The following PTPRZ1 variants were observed in gnomAD, a reference collection of about 807,000 sequenced individuals.
PTPRZ1 encodes protein tyrosine phosphatase receptor type Z1, also known as receptor-type tyrosine-protein phosphatase zeta.
Under a neutral mutation model 214.1 loss-of-function variants are expected in PTPRZ1, and 82 were observed. That is an observed-to-expected ratio of 0.38 (90% CI 0.32 to 0.46). The LOEUF (loss-of-function observed/expected upper bound fraction) is 0.46. PTPRZ1 is among the 20% of genes least tolerant of loss of function. PTPRZ1 has a pLI of 1.00. For missense variants in PTPRZ1, 2,603 were observed against 2,748.7 expected (o/e 0.95, Z 1.19); for synonymous variants, 945 against 987.9 (o/e 0.96, Z 0.81).
chr7:121,881,298 G>A (rs951526968), intron 1 of PTPRZ1, among the ~76,000 whole-genome samples: 3 of 152,186 alleles, frequency 2.0e-5, no homozygotes, highest in African/African-American at 7.2e-5. Flanking sequence ...ATATCTGTGA[G>A]AAATAAATGT....
intron 1 of PTPRZ1, among the ~76,000 whole-genome samples, chr7:121,921,485 C>T (rs2116345274): frequency 6.6e-6 from 1 of 152,252 alleles, no homozygotes. Flanking sequence ...AACTTTCCAT[C>T]TCCTTGAATG....
intron 1 of PTPRZ1, among the ~76,000 whole-genome samples, chr7:121,919,734 T>C (rs530302756): frequency 8.5e-5 from 13 of 152,250 alleles, no homozygotes; most frequent in Admixed American, 2.6e-4. Context: ...ATTGTGATGT[T>C]TCCTTTAACA....
intron 13 of PTPRZ1, among the ~76,000 whole-genome samples, chr7:122,026,801 TTTTG>T (rs758183343): frequency 1.3e-5 from 2 of 152,214 alleles, no homozygotes; most frequent in East Asian, 1.9e-4. Flanking sequence ...GCTTTAAGTT[TTTTG>T]TTTATTTGCT....
intron 29 of PTPRZ1, 26 bp from the exon 30 acceptor site, chr7:122,061,054 A>T: frequency 6.4e-7 from 1 of 1,558,274 alleles, no homozygotes; most frequent in Non-Finnish European, 8.7e-7. Flanking sequence ...CTTCGCATTT[A>T]TTACCTCCCA....
At chr7:121,950,014 C>T (rs141175903) in intron 2 of PTPRZ1, among the ~76,000 whole-genome samples, 5,627 of 152,102 alleles carry the variant, frequency 0.037, 118 homozygotes, top group East Asian at 0.085. Context: ...AAGACATACC[C>T]GCGACTAAGC....
intron 27 of PTPRZ1, among the ~76,000 whole-genome samples, 184 bp from the exon 28 acceptor site, chr7:122,058,616 C>T (rs1183141351): frequency 1.3e-5 from 2 of 152,050 alleles, no homozygotes; most frequent in African/African-American, 4.8e-5. Flanking sequence ...TAAATCTATG[C>T]ATGTTAAATG....
At chr7:121,922,450 G>A (rs971380021) in intron 1 of PTPRZ1, among the ~76,000 whole-genome samples, 2 of 152,024 alleles carry the variant, frequency 1.3e-5, no homozygotes, top group African/African-American at 2.4e-5. Context: ...CCAGCTACTC[G>A]GGAGGCTGAG....
chr7:122,042,953 C>G (rs376308129), intron 22 of PTPRZ1, among the ~76,000 whole-genome samples: 1 of 152,172 alleles, frequency 6.6e-6, no homozygotes, highest in Non-Finnish European at 1.5e-5. Context: ...CTTTCATCTC[C>G]TGGTAGCCCC....
chr7:121,972,439 A>G, intron 3 of PTPRZ1, 102 bp from the exon 4 acceptor site: 1 of 1,201,954 alleles, frequency 8.3e-7, no homozygotes, highest in Non-Finnish European at 1.1e-6. Context: ...AATTTATCAA[A>G]TAAATGATTT....
chr7:121,970,713 G>A (rs1330374210), intron 3 of PTPRZ1, among the ~76,000 whole-genome samples: 1 of 152,122 alleles, frequency 6.6e-6, no homozygotes, highest in Non-Finnish European at 1.5e-5. Context: ...CCCTTTGTCA[G>A]ATGAGTAGAT....
rs558142818 is a variant in PTPRZ1 at position 121,996,595 on chromosome 7, G to GTT, written c.1113+29_1113+30insTT. The GTT allele has an allele frequency of 5.9e-4, 871 of 1,474,200 alleles. 5 individuals are homozygous for GTT. The Admixed American group carries it at 0.017, about 28-fold the overall frequency. The allele number at this position is 1,474,200 out of a possible 1,614,324, so 91.3% of individuals were successfully genotyped here. A position where few individuals can be genotyped will look rare whatever the true frequency, so the allele number is the denominator to read the frequency against. On this transcript the variant is annotated intron_variant, in intron 9 of 29. Transcript: ENST00000393386. ...ACTATATGATCAGTTGTTTTACATA[G>GTT]GGTAACATTATAATTTAATTTCCAA...
At chr7:121,931,350 G>A (rs578117553) in intron 2 of PTPRZ1, among the ~76,000 whole-genome samples, 6 of 152,166 alleles carry the variant, frequency 3.9e-5, no homozygotes, top group Admixed American at 3.3e-4. Flanking sequence ...ACTAGAAGGA[G>A]GTTATTTTCC....
At chr7:121,905,165 T>C (rs1243735768) in intron 1 of PTPRZ1, among the ~76,000 whole-genome samples, 1 of 152,188 alleles carries the variant, frequency 6.6e-6, no homozygotes, top group East Asian at 1.9e-4. Flanking sequence ...AGGAAGACTT[T>C]TTCTCTTGCC....
rs149608270 is a variant in PTPRZ1 at position 122,013,433 on chromosome 7, G to A, written c.4387G>A (p.Glu1463Lys). Reference sequence around the variant, plus strand: ...GGTAATGAATGATTCAGACACCCACGAAAACAGTCTTATGGATCAGAATAA... The same window carrying A: ...GGTAATGAATGATTCAGACACCCACAAAAACAGTCTTATGGATCAGAATAA... ...EKVMNDSDTHENSLMDQNNPI... is the reference protein window; with the variant it reads ...EKVMNDSDTHKNSLMDQNNPI... Residue 1463 changes from glutamate (E) to lysine (K), a missense_variant, in exon 12 of 30, where the codon GAA (glutamate) becomes AAA (lysine). Physicochemically the swap from Glu to Lys is moderately conservative, Grantham distance 56 (BLOSUM62 1). Coordinates refer to ENST00000393386, the MANE Select transcript of PTPRZ1 (RefSeq NM_002851.3). The A allele has an allele frequency of 5.9e-5, 95 of 1,614,018 alleles. No homozygotes were observed. The highest frequency in any genetic ancestry group is 4.0e-4 in the African/African-American group (30 of 74,924).
At position 122,010,329 on chromosome 7, in the gene PTPRZ1, C is replaced by T. The variant is rs763212113; in HGVS notation, c.1288-5C>T. On this transcript the variant is annotated splice_polypyrimidine_tract_variant and splice_region_variant and intron_variant, in intron 11 of 29. Transcript: ENST00000393386. ...GACTCATTAAATCTTGTTTGCTTTT[C>T]AAAGGAGGAGGAAGAGGGAAAAGAC... is the stretch of plus-strand genomic sequence containing the variant. 6.3e-7 allele frequency: 1 copy of T among 1,587,292 alleles called. No homozygotes were observed. Among genetic ancestry groups the T allele is most frequent in the Non-Finnish European group, 8.5e-7 (1 of 1,171,184 alleles).
intron 3 of PTPRZ1, 53 bp downstream of exon 3, chr7:121,968,183 T>C (rs543078784): frequency 7.5e-5 from 108 of 1,446,454 alleles, no homozygotes; most frequent in Non-Finnish European, 9.6e-5. Context: ...ACCTGGAGTA[T>C]GTTTAGACTA....
intron 1 of PTPRZ1, among the ~76,000 whole-genome samples, chr7:121,890,172 C>G (rs1794543565): frequency 2.0e-5 from 3 of 152,156 alleles, no homozygotes. Flanking sequence ...GTCATATATT[C>G]AACTATCCAT....
In PTPRZ1 at chr7:122,019,255, C is replaced by G. The variant is rs1419753369; in HGVS notation, c.4975C>G (p.Leu1659Val). 1.2e-5 allele frequency: 20 copies of G among 1,611,692 alleles called. No homozygotes were observed. Among genetic ancestry groups the G allele is most frequent in the Non-Finnish European group, 1.7e-5 (20 of 1,178,510 alleles). Residue 1659 changes from leucine to valine, a missense_variant, in exon 13 of 30, where the codon CTC becomes GTC. Coordinates refer to ENST00000393386, the MANE Select transcript of PTPRZ1 (RefSeq NM_002851.3). ...FICLVVLVGI[L>V]IYWRKCFQTA... ...CTGTCTAGTGGTTCTTGTGGGTATTCTCATCTACTGGAGGTAAGTTGAGTA... is the reference window on the plus strand; with the variant it reads ...CTGTCTAGTGGTTCTTGTGGGTATTGTCATCTACTGGAGGTAAGTTGAGTA...
chr7:122,047,386 CATG>C (rs1162034768), intron 23 of PTPRZ1, among the ~76,000 whole-genome samples: 1 of 152,042 alleles, frequency 6.6e-6, no homozygotes, highest in Non-Finnish European at 1.5e-5. Context: ...TAATATGAGA[CATG>C]AGAGCTTCTT....
Sources: allele counts gnomAD v4.1 joint callset (sites outside exome capture counted in the v4.1 genomes callset), GRCh38; gene constraint gnomAD v4.1.1; transcripts MANE v1.5; gene names NCBI Gene and HGNC (gene_info 2026-07-23, HGNC 2026-07-21).